HECTD4: variants seen among roughly 807,000 people sequenced by gnomAD.
The protein encoded by HECTD4 is probable E3 ubiquitin-protein ligase HECTD4.
Under a neutral mutation model 471.5 loss-of-function variants are expected in HECTD4, and 114 were observed. The ratio of observed to expected loss-of-function variants is 0.24; its 90% CI spans 0.21 to 0.28. HECTD4 has a LOEUF of 0.28. Among genes scored for constraint, HECTD4 ranks in the 10% least tolerant of loss-of-function variants. The pLI is 1.00. For synonymous variants in HECTD4, 2,012 were observed against 2,256.0 expected (o/e 0.89, Z 3.07); for missense variants, 3,866 against 5,651.5 (o/e 0.68, Z 10.13).
In HECTD4 at chr12:112,203,773, C is replaced by T; in HGVS notation, c.8270-1G>A. 1 of 1,597,908 alleles carries T rather than the reference C, an allele frequency of 6.3e-7. No individual in the cohort carries two copies. Among genetic ancestry groups the T allele is most frequent in the Non-Finnish European group, 8.5e-7 (1 of 1,170,176 alleles). On this transcript the variant is annotated splice_acceptor_variant, in intron 53 of 75. Coordinates refer to ENST00000682272, the MANE Select transcript of HECTD4 (RefSeq NM_001388303.1). LOFTEE classifies it high-confidence loss of function. The stretch of plus-strand genomic sequence containing the variant: ...GGAGAGCGGGTTACTACTGTGAGAC[C>T]TGAGGAGTGTAGAGGGAGAAGTTTT...
chr12:112,216,392 G>A lies in HECTD4; in HGVS notation c.7386-21C>T, dbSNP rs1159564421. 7 of 1,511,204 alleles carry A rather than the reference G, an allele frequency of 4.6e-6. No individual in the cohort carries two copies. In the South Asian group the frequency reaches 8.4e-5, roughly 18 times the overall value. The allele number at this position is 1,511,204 out of a possible 1,614,324, so 93.6% of individuals were successfully genotyped here. ...CGTTGCTATGAAAAATACAAAGAAG[G>A]GAGGTCAAAGACAAGAAAGATAAGC... On this transcript the variant is annotated intron_variant, in intron 47 of 75. Transcript: ENST00000682272.
rs544571040 is a variant in HECTD4 at position 112,193,929 on chromosome 12, C to T, written c.8750-255G>A. Among the ~76,000 whole-genome samples the T allele has an allele frequency of 3.3e-5, 5 of 152,300 alleles. No individual in the cohort carries two copies. Among genetic ancestry groups the T allele is most frequent in the African/African-American group, 9.6e-5 (4 of 41,560 alleles). The stretch of plus-strand genomic sequence containing the variant: ...AAACTGTTGCCTAAAATAAAATCTA[C>T]ACAGAGGCCCAGGTCTACGAAATAT... On this transcript the variant is annotated intron_variant, in intron 56 of 75. Transcript: ENST00000682272. This position sits in a 1 kb window ranked among gnomAD's most constrained non-coding sequence, Gnocchi z 5.2.
At chr12:112,202,202 T>G (rs1297611772) in intron 54 of HECTD4, among the ~76,000 whole-genome samples, 1 of 152,088 alleles carries the variant, frequency 6.6e-6, no homozygotes, top group African/African-American at 2.4e-5. Context: ...TAGAGTCAGA[T>G]GATGTAATTT....
Position 112,247,529 on chromosome 12 carries a change from G to A in HECTD4, c.4270C>T (p.Leu1424Phe). 2 of 1,520,900 alleles carry A rather than the reference G, an allele frequency of 1.3e-6. No homozygotes were observed. Among genetic ancestry groups the A allele is most frequent in the Non-Finnish European group, 8.9e-7 (1 of 1,129,258 alleles). 94.2% of individuals were successfully genotyped at this position (1,520,900 alleles called of 1,614,324 possible). Reference protein sequence around the residue: ...FNENKMKELELLCSMKEVSFD... With the variant: ...FNENKMKELEFLCSMKEVSFD... ...GAGACTTCCTTCATTGAACATAAAA[G>A]TTCTAGTTCTTTCATTTTGTTCTAA... Residue 1424 changes from leucine (L) to phenylalanine (F), a missense_variant, in exon 28 of 76, where the codon CTT (leucine) becomes TTT (phenylalanine). Leu to Phe is a conservative substitution (Grantham distance 22, BLOSUM62 0). Coordinates refer to ENST00000682272, the MANE Select transcript of HECTD4 (RefSeq NM_001388303.1).
intron 32 of HECTD4, among the ~76,000 whole-genome samples, chr12:112,240,737 C>T (rs550466408): frequency 2.6e-5 from 4 of 152,172 alleles, no homozygotes; most frequent in African/African-American, 9.7e-5. Context: ...AGGCCTGAGC[C>T]ACTGTGCCTA....
At chr12:112,220,138 T>G (rs1330182113) in intron 44 of HECTD4, among the ~76,000 whole-genome samples, 1 of 152,162 alleles carries the variant, frequency 6.6e-6, no homozygotes, top group African/African-American at 2.4e-5. Flanking sequence ...AGCCCTTGGC[T>G]AAGTCCCTAG....
At position 112,281,265 on chromosome 12, in the gene HECTD4, GT is replaced by G. The variant is rs199859413; in HGVS notation, c.1528+1844del. ...CCTGGACAACATAACAAGACCTCAT[GT>G]TTTTTTTAAAAAAAAAAAGTACAAT... On this transcript the variant is annotated intron_variant, in intron 8 of 75. Coordinates refer to ENST00000682272, the MANE Select transcript of HECTD4 (RefSeq NM_001388303.1). 1.9e-3 allele frequency among the ~76,000 whole-genome samples: 286 copies of G among 150,724 alleles called. 2 individuals are homozygous for G. The highest frequency in any genetic ancestry group is 6.6e-3 in the African/African-American group (272 of 41,052).
At chr12:112,336,447 T>G (rs1429215003) in intron 1 of HECTD4, among the ~76,000 whole-genome samples, 3 of 151,164 alleles carry the variant, frequency 2.0e-5, no homozygotes, top group Non-Finnish European at 2.9e-5. Context: ...GGCGTGAACC[T>G]GGGAGGCGGA....
At chr12:112,334,581 T>A (rs548433551) in intron 1 of HECTD4, among the ~76,000 whole-genome samples, 1 of 141,716 alleles carries the variant, frequency 7.1e-6, no homozygotes, top group South Asian at 2.2e-4. Flanking sequence ...GATCACGAGG[T>A]CAGGAGTTCG....
At position 112,210,652 on chromosome 12, in the gene HECTD4, C is replaced by T. The variant is rs75267571; in HGVS notation, c.7630-400G>A. Among the ~76,000 whole-genome samples, 214 of 152,346 alleles carry T rather than the reference C, an allele frequency of 1.4e-3. 2 individuals carry two copies. The East Asian group carries it at 0.021, about 15-fold the overall frequency. ...TCCAGACCTGGCTCAAGCAGCACTT[C>T]TTCAGATTAAGAGATACAAGATCAG... On this transcript the variant is annotated intron_variant, in intron 49 of 75. Transcript: ENST00000682272.
intron 43 of HECTD4, among the ~76,000 whole-genome samples, chr12:112,227,568 C>T (rs888194966): frequency 6.6e-6 from 1 of 152,222 alleles, no homozygotes; most frequent in Non-Finnish European, 1.5e-5. Flanking sequence ...TGTGCATGTC[C>T]TAGTTTTCCC....
At chr12:112,336,506 G>A (rs1481042975) in intron 1 of HECTD4, among the ~76,000 whole-genome samples, 1 of 150,076 alleles carries the variant, frequency 6.7e-6, no homozygotes, top group African/African-American at 2.5e-5. Flanking sequence ...CTGGGCAACA[G>A]AGCAAGACTC....
intron 62 of HECTD4, among the ~76,000 whole-genome samples, chr12:112,180,580 G>A (rs1315865743): frequency 6.6e-6 from 1 of 151,774 alleles, no homozygotes; most frequent in Non-Finnish European, 1.5e-5. Flanking sequence ...ACCCTCACAT[G>A]AGGAGTGTAC....
intron 34 of HECTD4, among the ~76,000 whole-genome samples, chr12:112,237,322 GATTA>G (rs2033534445): frequency 6.6e-6 from 1 of 152,124 alleles, no homozygotes; most frequent in Non-Finnish European, 1.5e-5. Flanking sequence ...AATTGAATAT[GATTA>G]ATTCATACAT....
chr12:112,379,376 A>C (rs547476907), intron 1 of HECTD4, among the ~76,000 whole-genome samples: 2 of 152,360 alleles, frequency 1.3e-5, no homozygotes, highest in South Asian at 4.1e-4. Context: ...GACATGTAGG[A>C]TACATTTAAT....
chr12:112,249,124 G>C (rs940568450), intron 25 of HECTD4, among the ~76,000 whole-genome samples: 5 of 152,164 alleles, frequency 3.3e-5, no homozygotes, highest in African/African-American at 1.2e-4. Flanking sequence ...GGAGGCTGAG[G>C]CTGGCGAATC....
At chr12:112,313,783 C>A (rs1369722051) in intron 3 of HECTD4, among the ~76,000 whole-genome samples, 1 of 151,998 alleles carries the variant, frequency 6.6e-6, no homozygotes, top group African/African-American at 2.4e-5. Context: ...GCCATCACGC[C>A]CTGCTACAAT....
chr12:112,283,880 G>A (rs1368455737), intron 7 of HECTD4, among the ~76,000 whole-genome samples: 1 of 151,818 alleles, frequency 6.6e-6, no homozygotes, highest in East Asian at 1.9e-4. Flanking sequence ...AAAAATCTTT[G>A]GAGTGGTGAC....
Position 112,179,800 on chromosome 12 carries a change from A to G in HECTD4, c.10988-403T>C, listed in dbSNP as rs2031599564. ...TTGTCCTCCTGGGGCTATTTATCATAGCAGTTTAGTCTAGAATAATCCCAG... is the reference window on the plus strand; with the variant it reads ...TTGTCCTCCTGGGGCTATTTATCATGGCAGTTTAGTCTAGAATAATCCCAG... On this transcript the variant is annotated intron_variant, in intron 62 of 75. Transcript: ENST00000682272. This position sits in a 1 kb window ranked among gnomAD's most constrained non-coding sequence, Gnocchi z 4.3. Among the ~76,000 whole-genome samples, 1 of 152,240 alleles carries G rather than the reference A, an allele frequency of 6.6e-6. No individual in the cohort carries two copies. Among genetic ancestry groups the G allele is most frequent in the African/African-American group, 2.4e-5 (1 of 41,466 alleles).
Sources: allele counts gnomAD v4.1 joint callset (sites outside exome capture counted in the v4.1 genomes callset), GRCh38; gene constraint gnomAD v4.1.1; non-coding constraint Gnocchi (gnomAD v3.1); transcripts MANE v1.5; gene names NCBI Gene and HGNC (gene_info 2026-07-23, HGNC 2026-07-21).